The following ZNF280C variants were observed in gnomAD, a reference collection of about 807,000 sequenced individuals.
ZNF280C encodes the protein suppressor of hairy wing homolog 3.
Under a neutral mutation model 53.6 loss-of-function variants are expected in ZNF280C, and 14 were observed. The observed-to-expected ratio is 0.26, with a 90% CI of 0.17 to 0.41. The LOEUF (loss-of-function observed/expected upper bound fraction) is 0.41. Ranked by LOEUF, ZNF280C falls within the 10% of genes least tolerant of loss-of-function variation. ZNF280C has a pLI of 1.00. For synonymous variants in ZNF280C, 203 were observed against 181.1 expected (o/e 1.12, Z -0.97); for missense variants, 416 against 547.1 (o/e 0.76, Z 2.39).
intron 6 of ZNF280C, among the ~76,000 whole-genome samples, chrX:130,238,042 C>A (rs940427521): frequency 1.8e-5 from 2 of 111,108 alleles, no homozygotes; most frequent in Admixed American, 9.6e-5. Flanking sequence ...GTTTGGCTTG[C>A]GGTGTTCCCT....
chrX:130,260,425 G>T lies in ZNF280C; in HGVS notation c.25C>A (p.Pro9Thr), dbSNP rs766842138. The T allele has an allele frequency of 5.9e-6, 7 of 1,192,824 alleles. No individual in the cohort carries two copies. The African/African-American group carries it at 7.1e-5, about 12-fold the overall frequency. ...CTACAGCAGAAATACTTACTTTTTG[G>T]TTGAAAAGGTTTGTCGTCATCCATG... The part of the protein sequence containing the change: MDDDKPFQ[P>T]KNISKMAELF... Residue 9 changes from proline to threonine, a missense_variant, in exon 2 of 19, where the codon CCA becomes ACA. This residue lies in a region of ZNF280C where 193 missense variants were observed against 201.4 expected (regional missense o/e 0.96). Transcript: ENST00000370978.
rs754963983 is a variant in ZNF280C, at chrX:130,236,437, AT to A, written c.664+31del. 5.8e-4 allele frequency: 643 copies of A among 1,110,072 alleles called. 2 individuals are homozygous for A. In the Admixed American group the frequency reaches 6.3e-3, roughly 11 times the overall value. The allele number at this position is 1,110,072 out of a possible 1,213,427, so 91.5% of individuals were successfully genotyped here. A position where few individuals can be genotyped will look rare whatever the true frequency, so the allele number is the denominator to read the frequency against. On this transcript the variant is annotated intron_variant, in intron 7 of 18. Transcript: ENST00000370978. ...CTAAAACGTATATAAAAATAATACT[AT>A]TTTTTTTTACATGTCAGATTTCATG...
chrX:130,224,106 A>G (rs2032196717), intron 12 of ZNF280C, among the ~76,000 whole-genome samples: 1 of 111,686 alleles, frequency 9.0e-6, no homozygotes, highest in Non-Finnish European at 1.9e-5. Context: ...GCGAAATCCT[A>G]ATTTTCAATG....
In ZNF280C at chrX:130,263,351, T is replaced by TA. The variant is rs201807841; in HGVS notation, c.-16-2887dup. Among the ~76,000 whole-genome samples, 944 of 112,620 alleles carry TA rather than the reference T, an allele frequency of 8.4e-3. 13 individuals are homozygous for TA. Among genetic ancestry groups the TA allele is most frequent in the African/African-American group, 0.029 (909 of 31,007 alleles). ...GGACAAACAAAATGTGATATATCCA[T>TA]ACAACTGAACACTATTTGGTAATAA... is the stretch of plus-strand genomic sequence containing the variant. On this transcript the variant is annotated intron_variant, in intron 1 of 18. Coordinates refer to ENST00000370978, the MANE Select transcript of ZNF280C (RefSeq NM_017666.5).
chrX:130,225,446 G>C (rs1038518157), intron 12 of ZNF280C, among the ~76,000 whole-genome samples: 1 of 111,108 alleles, frequency 9.0e-6, no homozygotes, highest in African/African-American at 3.3e-5. Context: ...CTTGCTTAGA[G>C]ATTTACAGTA....
At chrX:130,222,209 T>A (rs2032171765) in intron 12 of ZNF280C, among the ~76,000 whole-genome samples, 1 of 107,279 alleles carries the variant, frequency 9.3e-6, no homozygotes, top group African/African-American at 3.4e-5. Context: ...GCCCTGGCAC[T>A]CTCTATCTAC....
chrX:130,266,297 A>T (rs2032687133), intron 1 of ZNF280C, among the ~76,000 whole-genome samples: 1 of 111,741 alleles, frequency 8.9e-6, no homozygotes, highest in South Asian at 3.7e-4. Context: ...ACTTTATCTC[A>T]TAGAAACAGA....
At chrX:130,264,887 A>G (rs2032671879) in intron 1 of ZNF280C, among the ~76,000 whole-genome samples, 1 of 111,733 alleles carries the variant, frequency 8.9e-6, no homozygotes, top group African/African-American at 3.2e-5. Context: ...TTTTTCTTAT[A>G]ACAAGAATTG....
intron 2 of ZNF280C, among the ~76,000 whole-genome samples, chrX:130,260,118 T>C (rs1394185911): frequency 9.1e-6 from 1 of 110,014 alleles, no homozygotes; most frequent in Non-Finnish European, 1.9e-5. Context: ...CCGTCTCTAC[T>C]GAAAATACAA....
intron 12 of ZNF280C, among the ~76,000 whole-genome samples, chrX:130,222,341 C>T (rs911350705): frequency 3.0e-5 from 3 of 100,216 alleles, no homozygotes; most frequent in African/African-American, 1.1e-4. Context: ...CCCTTCTCTA[C>T]CATGATGCAT....
chrX:130,259,528 T>C (rs1469319870), intron 2 of ZNF280C, among the ~76,000 whole-genome samples: 4 of 112,514 alleles, frequency 3.6e-5, no homozygotes, highest in Non-Finnish European at 7.5e-5. Flanking sequence ...ATATATAGTA[T>C]GATCTTATTT....
intron 2 of ZNF280C, among the ~76,000 whole-genome samples, chrX:130,248,785 T>C (rs192442016): frequency 8.9e-6 from 1 of 112,551 alleles, no homozygotes; most frequent in East Asian, 2.8e-4. Context: ...GGCCATGCAC[T>C]GGCCCACCTG....
At position 130,215,180 on chromosome X, in the gene ZNF280C, A is replaced by G; in HGVS notation, c.1979+13T>C. The G allele has an allele frequency of 8.3e-7, 1 of 1,204,991 alleles. No individual in the cohort carries two copies. ...ATGGAAATTCTGATTGGCAGTTTAC[A>G]TGTTTAACTTACCTCATCATATGAT... is the stretch of plus-strand genomic sequence containing the variant. On this transcript the variant is annotated intron_variant, in intron 15 of 18. Coordinates refer to ENST00000370978, the MANE Select transcript of ZNF280C (RefSeq NM_017666.5).
chrX:130,204,943 G>T lies in ZNF280C; in HGVS notation c.*34C>A. Reference sequence around the variant, plus strand: ...AACTTAGGAACTTCCAACTTGTCTTGCACCAGGTTGCATGAACTCCATGGA... The same window carrying T: ...AACTTAGGAACTTCCAACTTGTCTTTCACCAGGTTGCATGAACTCCATGGA... On this transcript the variant is annotated 3_prime_UTR_variant, in exon 19 of 19. Coordinates refer to ENST00000370978, the MANE Select transcript of ZNF280C (RefSeq NM_017666.5). 9.4e-7 allele frequency: 1 copy of T among 1,067,420 alleles called. No homozygotes were observed. Among genetic ancestry groups the T allele is most frequent in the Admixed American group, 3.6e-5 (1 of 28,013 alleles). The allele number at this position is 1,067,420 out of a possible 1,213,427, so 88.0% of individuals were successfully genotyped here. A position where few individuals can be genotyped will look rare whatever the true frequency, so the allele number is the denominator to read the frequency against.
At chrX:130,265,600 T>C (rs192447432) in intron 1 of ZNF280C, among the ~76,000 whole-genome samples, 6 of 112,058 alleles carry the variant, frequency 5.4e-5, no homozygotes, top group African/African-American at 1.3e-4. Context: ...AGTAAGTGCA[T>C]TGATGGGAAC....
chrX:130,225,317 A>G (rs752695453), intron 12 of ZNF280C, among the ~76,000 whole-genome samples: 2 of 110,867 alleles, frequency 1.8e-5, no homozygotes, highest in Non-Finnish European at 3.8e-5. Flanking sequence ...AAAAAATGAA[A>G]TACAGACCAC....
intron 9 of ZNF280C, among the ~76,000 whole-genome samples, chrX:130,230,017 G>C (rs2032261126): frequency 8.9e-6 from 1 of 111,906 alleles, no homozygotes; most frequent in African/African-American, 3.2e-5. Context: ...CAATCATTGT[G>C]AAGGTTTGGG....
chrX:130,253,300 T>C (rs932652209), intron 2 of ZNF280C, among the ~76,000 whole-genome samples: 1 of 112,784 alleles, frequency 8.9e-6, no homozygotes, highest in Non-Finnish European at 1.9e-5. Flanking sequence ...TCTACGCTCA[T>C]GAATTGGATG....
Position 130,243,818 on chromosome X carries a change from T to C in ZNF280C, c.226A>G (p.Ser76Gly), listed in dbSNP as rs755281993. 2 of 1,186,454 alleles carry C rather than the reference T, an allele frequency of 1.7e-6. No homozygotes were observed. The highest frequency in any genetic ancestry group is 3.0e-5 in the East Asian group (1 of 33,102). Reference protein sequence around the residue: ...HSSSSSKGIKSEPHSPGIPEI... With the variant: ...HSSSSSKGIKGEPHSPGIPEI... ...ACTGTACCTGGACTGTGTGGCTCAC[T>C]CTTTATTCCTTTTGAAGATGAGCTG... The change falls in exon 4 of 19, where the codon AGT (serine) becomes GGT (glycine). Residue 76 changes from serine (S) to glycine (G), a missense_variant. Physicochemically the swap from Ser to Gly is moderately conservative, Grantham distance 56. This residue lies in a region of ZNF280C where 193 missense variants were observed against 201.4 expected (regional missense o/e 0.96). Coordinates refer to ENST00000370978, the MANE Select transcript of ZNF280C (RefSeq NM_017666.5).
Sources: allele counts gnomAD v4.1 joint callset (sites outside exome capture counted in the v4.1 genomes callset), GRCh38; gene constraint gnomAD v4.1.1; regional missense constraint gnomAD v4.1.1; transcripts MANE v1.5; gene names NCBI Gene and HGNC (gene_info 2026-07-23, HGNC 2026-07-21).